Variants in ARHGEF10L observed in about 807,000 individuals in gnomAD.
ARHGEF10L encodes the protein rho guanine nucleotide exchange factor 10-like protein.
ARHGEF10L carries 69 observed loss-of-function variants against 141.2 expected under a neutral mutation model. The ratio of observed to expected loss-of-function variants is 0.49; its 90% CI spans 0.40 to 0.60. The LOEUF (loss-of-function observed/expected upper bound fraction) is 0.60. Among genes scored for constraint, ARHGEF10L ranks in the 20% least tolerant of loss-of-function variants. The pLI is 0.00. For synonymous variants in ARHGEF10L, 711 were observed against 718.5 expected (o/e 0.99, Z 0.17); for missense variants, 1,482 against 1,734.3 (o/e 0.85, Z 2.58).
chr1:17,624,625 T>G, intron 13 of ARHGEF10L, 122 bp downstream of exon 13: 1 of 781,072 alleles, frequency 1.3e-6, no homozygotes, highest in Non-Finnish European at 2.2e-6. Flanking sequence ...ACAGCTCCCC[T>G]CTTTCTTTTG....
intron 3 of ARHGEF10L, 58 bp downstream of exon 3, chr1:17,587,703 C>A (rs1026628834): frequency 1.3e-6 from 2 of 1,521,366 alleles, no homozygotes; most frequent in African/African-American, 1.4e-5. Flanking sequence ...GAGAACTGGG[C>A]GGAAGCTCCA....
At chr1:17,629,124 G>T (rs1044586617) in intron 15 of ARHGEF10L, among the ~76,000 whole-genome samples, 2 of 152,126 alleles carry the variant, frequency 1.3e-5, no homozygotes, top group Non-Finnish European at 2.9e-5. Flanking sequence ...GGGCTCAAGT[G>T]AGCCTCCTGC....
rs375049670 is a variant in ARHGEF10L, at chr1:17,627,314, T to G, written c.1411-16T>G. The stretch of plus-strand genomic sequence containing the variant: ...GGTCATGGGTGGGCTGCTCAGTCTC[T>G]GCTCTGACCTGGCAGGACATGCTGA... On this transcript the variant is annotated splice_polypyrimidine_tract_variant and intron_variant, in intron 14 of 28. Transcript: ENST00000361221. The surrounding 1 kb of genome is among the most constrained non-coding windows in gnomAD (Gnocchi z 4.0). 5 of 1,611,056 alleles carry G rather than the reference T, an allele frequency of 3.1e-6. No individual in the cohort carries two copies. The highest frequency in any genetic ancestry group is 1.1e-5 in the South Asian group (1 of 90,924).
chr1:17,579,011 T>G (rs898063001), intron 1 of ARHGEF10L, among the ~76,000 whole-genome samples: 13 of 151,930 alleles, frequency 8.6e-5, no homozygotes, highest in African/African-American at 3.1e-4. Context: ...GGTGGGAGGT[T>G]GACTAACTTT....
At chr1:17,574,113 G>T (rs1202373379) in intron 1 of ARHGEF10L, among the ~76,000 whole-genome samples, 1 of 151,912 alleles carries the variant, frequency 6.6e-6, no homozygotes, top group Middle Eastern at 3.4e-3. Context: ...CTGGGAGGAC[G>T]CTCCCTGACC....
intron 1 of ARHGEF10L, among the ~76,000 whole-genome samples, chr1:17,557,383 A>T (rs976016725): frequency 3.9e-5 from 6 of 152,122 alleles, no homozygotes; most frequent in Non-Finnish European, 7.4e-5. Flanking sequence ...AACAAAAAGA[A>T]AATGCGTAGG....
At chr1:17,554,277 G>A (rs1032252006) in intron 1 of ARHGEF10L, among the ~76,000 whole-genome samples, 6 of 152,192 alleles carry the variant, frequency 3.9e-5, no homozygotes, top group African/African-American at 1.4e-4. Flanking sequence ...GCCCACCATT[G>A]GCCAGAGCTC....
the ARHGEF10L span, among the ~76,000 whole-genome samples, chr1:17,531,527 C>G: frequency 6.6e-6 from 1 of 152,186 alleles, no homozygotes; most frequent in Non-Finnish European, 1.5e-5. Flanking sequence ...TGACCTTGGA[C>G]AAGTCACTTA....
chr1:17,634,648 C>A (rs879170112), intron 17 of ARHGEF10L, 86 bp downstream of exon 17: 1 of 1,551,730 alleles, frequency 6.4e-7, no homozygotes, highest in African/African-American at 1.4e-5. Flanking sequence ...GGGGCTGGGG[C>A]CTGGGCGCCT....
chr1:17,559,015 C>A (rs556633757), intron 1 of ARHGEF10L, among the ~76,000 whole-genome samples: 8 of 152,120 alleles, frequency 5.3e-5, no homozygotes, highest in African/African-American at 1.9e-4. Flanking sequence ...CCACAGGGCC[C>A]GGCCTCAGTT....
At chr1:17,652,787 G>T (rs1049145669) in intron 22 of ARHGEF10L, among the ~76,000 whole-genome samples, 3 of 152,052 alleles carry the variant, frequency 2.0e-5, no homozygotes, top group Non-Finnish European at 2.9e-5. Flanking sequence ...GGGGCTGGGG[G>T]TGCTGCCTGC....
intron 1 of ARHGEF10L, among the ~76,000 whole-genome samples, chr1:17,552,571 G>A (rs986700996): frequency 6.7e-5 from 3 of 44,918 alleles, no homozygotes; most frequent in Non-Finnish European, 1.1e-4. Flanking sequence ...GCTAATTTTC[G>A]TTTTTTTTTT....
intron 4 of ARHGEF10L, among the ~76,000 whole-genome samples, chr1:17,601,069 C>CAAAAA (rs1363064745): frequency 2.3e-5 from 3 of 130,946 alleles, no homozygotes; most frequent in Non-Finnish European, 3.2e-5. Context: ...AAAAAAAAAA[C>CAAAAA]AAAAAACAAA....
rs767454662 is a variant in ARHGEF10L at position 17,587,605 on chromosome 1, A to AGACCCCCCACTGATCCACTTG, written c.187_207dup (p.Pro63_Asp69dup). ...CCAGCCTTGCTCCTGAGAGGGACAC[A>AGACCCCCCACTGATCCACTTG]GACCCCCCACTGATCCACTTGGACT... On this transcript the variant is annotated inframe_insertion, in exon 3 of 29. Transcript: ENST00000361221. The AGACCCCCCACTGATCCACTTG allele has an allele frequency of 1.2e-6, 2 of 1,614,052 alleles. No homozygotes were observed. Among genetic ancestry groups the AGACCCCCCACTGATCCACTTG allele is most frequent in the South Asian group, 2.2e-5 (2 of 91,064 alleles).
At chr1:17,536,540 G>A (rs956902935), upstream of ARHGEF10L, among the ~76,000 whole-genome samples, 2 of 152,184 alleles carry the variant, frequency 1.3e-5, no homozygotes, top group Non-Finnish European at 2.9e-5. Flanking sequence ...TGCATGTCAA[G>A]AGGGCAAGAA....
intron 15 of ARHGEF10L, among the ~76,000 whole-genome samples, chr1:17,629,090 G>A (rs1379951717): frequency 4.6e-5 from 7 of 152,068 alleles, no homozygotes; most frequent in South Asian, 2.1e-4. Flanking sequence ...GTACAATAAC[G>A]GCTCACTGCA....
intron 2 of ARHGEF10L, among the ~76,000 whole-genome samples, chr1:17,587,043 C>T (rs573018193): frequency 2.6e-5 from 4 of 152,292 alleles, no homozygotes; most frequent in South Asian, 4.1e-4. Context: ...GGGAAGGATG[C>T]GCTGTCTGTG....
intron 26 of ARHGEF10L, among the ~76,000 whole-genome samples, chr1:17,667,952 G>A (rs2063088464): frequency 6.6e-6 from 1 of 152,216 alleles, no homozygotes; most frequent in South Asian, 2.1e-4. Flanking sequence ...AGAGCAGGCT[G>A]CTTCAGACGG....
At chr1:17,530,085 G>A in the ARHGEF10L span, among the ~76,000 whole-genome samples, 4,883 of 152,020 alleles carry the variant, frequency 0.032, 130 homozygotes, top group Non-Finnish European at 0.044. Context: ...CACTCACTTC[G>A]GCATTCCAAA....
Sources: gnomAD v4.1 joint callset for allele counts (sites outside exome capture counted in the v4.1 genomes callset) on GRCh38, gnomAD v4.1.1 for gene constraint, Gnocchi (gnomAD v3.1) non-coding constraint, MANE v1.5 for transcripts, NCBI Gene and HGNC (gene_info 2026-07-23, HGNC 2026-07-21) for gene names.